Variants in CEP192 observed in about 807,000 individuals in gnomAD.
CEP192 encodes centrosomal protein of 192 kDa.
In CEP192, 151 loss-of-function variants were observed where a neutral mutation model predicts 271.8. That is an observed-to-expected ratio of 0.56 (90% CI 0.49 to 0.64). CEP192 has a LOEUF of 0.64. CEP192 is among the 30% of genes least tolerant of loss of function. The pLI is 0.00. For missense variants in CEP192, 2,910 were observed against 3,020.5 expected (o/e 0.96, Z 0.86); for synonymous variants, 995 against 1,076.5 (o/e 0.92, Z 1.48).
In CEP192 at chr18:13,038,554, TTGG is replaced by T; in HGVS notation, c.1792_1794del (p.Gly598del). 3.2e-6 allele frequency: 5 copies of T among 1,551,564 alleles called. No individual in the cohort carries two copies. In the East Asian group the frequency reaches 1.2e-4, roughly 38 times the overall value. On this transcript the variant is annotated inframe_deletion, in exon 13 of 45. Coordinates refer to ENST00000506447, the MANE Select transcript of CEP192 (RefSeq NM_032142.4). ...CAAAGATCTGAAGCTCTTGGTTGCC[TTGG>T]TGGTGGTAACAATGTGAAAAGAGTA...
intron 13 of CEP192, among the ~76,000 whole-genome samples, chr18:13,040,499 T>C (rs2036144988): frequency 6.6e-6 from 1 of 152,206 alleles, no homozygotes; most frequent in Admixed American, 6.5e-5. Context: ...TAAAGTACCT[T>C]TATATTGTAA....
intron 11 of CEP192, among the ~76,000 whole-genome samples, chr18:13,033,081 G>T (rs2035725807): frequency 6.6e-6 from 1 of 152,168 alleles, no homozygotes; most frequent in Non-Finnish European, 1.5e-5. Flanking sequence ...CTGTGCTGTT[G>T]GCTATGCAGA....
At chr18:13,041,379 A>G (rs184919372) in intron 14 of CEP192, among the ~76,000 whole-genome samples, 4 of 152,264 alleles carry the variant, frequency 2.6e-5, no homozygotes, top group Admixed American at 2.0e-4. Context: ...ATTATCATGC[A>G]GCTACTTTTT....
At chr18:13,053,492 G>T (rs1277397410) in intron 18 of CEP192, among the ~76,000 whole-genome samples, 1 of 152,142 alleles carries the variant, frequency 6.6e-6, no homozygotes, top group Non-Finnish European at 1.5e-5. Context: ...GTTAACACAT[G>T]GGGAGGTGGA....
chr18:13,106,338 T>C (rs490853), intron 40 of CEP192, among the ~76,000 whole-genome samples: 108,714 of 151,040 alleles, frequency 0.72, 40,566 homozygotes, highest in African/African-American at 0.93. Context: ...ACCATCATCT[T>C]CTGCACAATG....
Position 13,049,544 on chromosome 18 carries a change from T to A in CEP192, c.2753T>A (p.Leu918His). The change falls in exon 16 of 45, where the codon CTT becomes CAT. Residue 918 changes from leucine (L) to histidine (H), a missense_variant. Physicochemically the swap from Leu to His is moderately conservative, Grantham distance 99. Coordinates refer to ENST00000506447, the MANE Select transcript of CEP192 (RefSeq NM_032142.4). The stretch of plus-strand genomic sequence containing the variant: ...GTGAGGAACCCCAGAATAACATCCC[T>A]TTGTCTGTTAAAAGACTGTGAAGAA... ...SSVRNPRITS[L>H]CLLKDCEEIR... 6.2e-7 allele frequency: 1 copy of A among 1,614,046 alleles called. No individual in the cohort carries two copies. The highest frequency in any genetic ancestry group is 2.2e-5 in the East Asian group (1 of 44,858).
rs933944581 is a variant in CEP192, at chr18:13,049,316, C to T, written c.2525C>T (p.Ala842Val). ...GTGAGGGCACCAGAAGAAAACACAG[C>T]AGCTATTGTTTATGTTGAAAATGGA... is the stretch of plus-strand genomic sequence containing the variant. ...VSVRAPEENTAAIVYVENGES... is the reference protein window; with the variant it reads ...VSVRAPEENTVAIVYVENGES... Residue 842 changes from alanine (A) to valine (V), a missense_variant, in exon 16 of 45, where the codon GCA becomes GTA. Physicochemically the swap from Ala to Val is moderately conservative, Grantham distance 64 (BLOSUM62 0). Transcript: ENST00000506447. 1.2e-5 allele frequency: 19 copies of T among 1,614,070 alleles called. No individual in the cohort carries two copies. The highest frequency in any genetic ancestry group is 2.7e-5 in the African/African-American group (2 of 75,018).
intron 21 of CEP192, among the ~76,000 whole-genome samples, chr18:13,060,027 C>T (rs2037323234): frequency 6.6e-6 from 1 of 152,090 alleles, no homozygotes; most frequent in South Asian, 2.1e-4. Flanking sequence ...TGGGAGGGTG[C>T]AGAATAGAGG....
chr18:13,068,828 C>G (rs115027175), intron 24 of CEP192, 24 bp from the exon 25 acceptor site: 1 of 1,613,816 alleles, frequency 6.2e-7, no homozygotes, highest in South Asian at 1.1e-5. Flanking sequence ...GGTCTCCAAG[C>G]TAAAAGAATG....
In CEP192 at chr18:13,116,673, G is replaced by C. The variant is rs191978833; in HGVS notation, c.7416+170G>C. 5.7e-3 allele frequency among the ~76,000 whole-genome samples: 872 copies of C among 152,086 alleles called. 13 individuals carry two copies. Among genetic ancestry groups the C allele is most frequent in the African/African-American group, 0.02 (835 of 41,476 alleles). ...CGCCCAGGCTGAAGTGCAGTGGTGC[G>C]ATCTCGGCTCACTGCAAGCTCCACC... On this transcript the variant is annotated intron_variant, in intron 43 of 44. Coordinates refer to ENST00000506447, the MANE Select transcript of CEP192 (RefSeq NM_032142.4).
chr18:13,089,592 A>G (rs1200058361), intron 33 of CEP192, 27 bp downstream of exon 33: 1 of 1,131,712 alleles, frequency 8.8e-7, no homozygotes, highest in African/African-American at 1.5e-5. Context: ...GTCTTGATGT[A>G]TTAAATCTTT....
At chr18:13,069,915 C>G (rs986752420) in intron 27 of CEP192, 59 bp downstream of exon 27, 2 of 1,014,590 alleles carry the variant, frequency 2.0e-6, no homozygotes, top group Middle Eastern at 2.1e-4. Context: ...AATCCCAGCA[C>G]TTTGGGAGGC....
At chr18:13,053,131 C>T in intron 18 of CEP192, 41 bp downstream of exon 18, 3 of 1,496,984 alleles carry the variant, frequency 2.0e-6, no homozygotes, top group Non-Finnish European at 2.7e-6. Flanking sequence ...AGGCTTTCAA[C>T]TCTTAAAAGT....
chr18:13,077,662 G>T (rs1050442543), intron 30 of CEP192, among the ~76,000 whole-genome samples: 1 of 152,184 alleles, frequency 6.6e-6, no homozygotes, highest in Non-Finnish European at 1.5e-5. Flanking sequence ...CGTTGACAAT[G>T]TGTCTGTCCT....
intron 4 of CEP192, among the ~76,000 whole-genome samples, chr18:13,012,331 C>T (rs2034409774): frequency 6.6e-6 from 1 of 152,108 alleles, no homozygotes; most frequent in Admixed American, 6.5e-5. Flanking sequence ...CATGTACCTA[C>T]CCATTGGTAT....
At chr18:13,043,996 G>A (rs190714275) in intron 15 of CEP192, among the ~76,000 whole-genome samples, 26 of 152,160 alleles carry the variant, frequency 1.7e-4, no homozygotes, top group Admixed American at 1.7e-3. Context: ...TATCCTCTGT[G>A]TTATGAACAA....
chr18:13,102,259 G>A (rs991199689), intron 38 of CEP192, among the ~76,000 whole-genome samples: 2 of 151,878 alleles, frequency 1.3e-5, no homozygotes, highest in Admixed American at 1.3e-4. Flanking sequence ...CTGAGACTCA[G>A]TGAAAGGCTT....
Position 13,095,644 on chromosome 18 carries a change from C to G in CEP192, c.6396C>G (p.Val2132=). The change falls in exon 35 of 45, where the codon GTC becomes GTG. Residue 2132 remains valine, a synonymous_variant. Transcript: ENST00000506447. ...DQLASEEPWT[V]LPEHLILVAP... ...TGGCCTCCGAAGAGCCGTGGACTGT[C>G]CTACCCGAGCACTTGATTCTGGTAG... 2.5e-6 allele frequency: 4 copies of G among 1,613,594 alleles called. No individual in the cohort carries two copies. The highest frequency in any genetic ancestry group is 3.4e-6 in the Non-Finnish European group (4 of 1,179,876).
intron 3 of CEP192, among the ~76,000 whole-genome samples, chr18:13,004,144 A>G (rs1401216438): frequency 6.6e-6 from 1 of 152,226 alleles, no homozygotes; most frequent in African/African-American, 2.4e-5. Flanking sequence ...TGGTGTAAGT[A>G]GGGACAGGCA....
Sources: gnomAD v4.1 joint callset for allele counts (sites outside exome capture counted in the v4.1 genomes callset) on GRCh38, gnomAD v4.1.1 for gene constraint, MANE v1.5 for transcripts, NCBI Gene and HGNC (gene_info 2026-07-23, HGNC 2026-07-21) for gene names.